KSR2: variants seen among roughly 807,000 people sequenced by gnomAD.
The protein encoded by KSR2 is kinase suppressor of ras 2.
KSR2 carries 25 observed loss-of-function variants against 107.8 expected under a neutral mutation model. The ratio of observed to expected loss-of-function variants is 0.23; its 90% confidence interval spans 0.17 to 0.32. The LOEUF (loss-of-function observed/expected upper bound fraction) is 0.32. Ranked by LOEUF, KSR2 falls within the 10% of genes least tolerant of loss-of-function variation. KSR2 has a pLI of 1.00. For synonymous variants in KSR2, 480 were observed against 507.0 expected (o/e 0.95, Z 0.71); for missense variants, 887 against 1,268.9 (o/e 0.70, Z 4.57).
Position 117,489,612 on chromosome 12 carries a change from G to A in KSR2, c.2220-3921C>T, listed in dbSNP as rs185052301. Among the ~76,000 whole-genome samples, 70 of 151,990 alleles carry A rather than the reference G, an allele frequency of 4.6e-4. 1 individual carries two copies. The East Asian group carries it at 0.012, about 25-fold the overall frequency. ...ACAATTAATATAATTAATGTATGGCGTTGAAATCTGTAAAAAATGTAAAGC... is the reference window on the plus strand; with the variant it reads ...ACAATTAATATAATTAATGTATGGCATTGAAATCTGTAAAAAATGTAAAGC... On this transcript the variant is annotated intron_variant, in intron 14 of 19. Transcript: ENST00000339824.
intron 1 of KSR2, among the ~76,000 whole-genome samples, chr12:117,878,759 A>T (rs1347008610): frequency 6.6e-6 from 1 of 152,238 alleles, no homozygotes; most frequent in Non-Finnish European, 1.5e-5. Context: ...TCCTGAAAGC[A>T]GGTCTCACTG....
At position 117,947,209 on chromosome 12, in the gene KSR2, G is replaced by GAA. The variant is rs796600006; in HGVS notation, c.180+20865_180+20866dup. On this transcript the variant is annotated intron_variant, in intron 1 of 19. Coordinates refer to ENST00000339824, the MANE Select transcript of KSR2 (RefSeq NM_173598.6). ...AAGAAAAGAAAGAAAAGAAAGAAAA[G>GAA]AAAGAAAGAAAGAAAGAAAGAAAGA... 3.9e-5 allele frequency among the ~76,000 whole-genome samples: 3 copies of GAA among 77,876 alleles called. No individual in the cohort carries two copies. In the East Asian group the frequency reaches 1.1e-3, roughly 28 times the overall value. The allele number at this position is 77,876 out of a possible 152,430, so 51.1% of individuals were successfully genotyped here.
At chr12:117,775,952 G>A (rs1369894585) in intron 3 of KSR2, among the ~76,000 whole-genome samples, 3 of 152,072 alleles carry the variant, frequency 2.0e-5, no homozygotes, top group Non-Finnish European at 4.4e-5. Context: ...AGTGGGGAGT[G>A]GGGAAGGGAT....
chr12:117,478,089 G>C (rs1871904604), intron 16 of KSR2, among the ~76,000 whole-genome samples: 1 of 152,112 alleles, frequency 6.6e-6, no homozygotes, highest in Non-Finnish European at 1.5e-5. Context: ...GGGAGAGGGG[G>C]TGCATATCTC....
chr12:117,947,408 C>T (rs1247887781), intron 1 of KSR2, among the ~76,000 whole-genome samples: 1 of 151,786 alleles, frequency 6.6e-6, no homozygotes, highest in Non-Finnish European at 1.5e-5. Context: ...AATAAACAAA[C>T]AAAAAACAAA....
chr12:117,717,701 G>GCA (rs1276317688), intron 4 of KSR2, among the ~76,000 whole-genome samples: 24 of 126,414 alleles, frequency 1.9e-4, no homozygotes, highest in African/African-American at 6.5e-4. Flanking sequence ...GTGTGTGTGT[G>GCA]TGTGTGTGTG....
chr12:117,711,761 C>T (rs1215933370), intron 4 of KSR2, among the ~76,000 whole-genome samples: 1 of 152,154 alleles, frequency 6.6e-6, no homozygotes, highest in African/African-American at 2.4e-5. Context: ...TCAACATCAC[C>T]TTAAGCTCTT....
intron 5 of KSR2, among the ~76,000 whole-genome samples, chr12:117,635,794 C>CTTT (rs780731850): frequency 3.1e-4 from 43 of 140,688 alleles, no homozygotes; most frequent in African/African-American, 5.5e-4. Context: ...TGGTATGTTA[C>CTTT]TTTTTTTTTT....
chr12:117,716,522 T>C (rs1483794675), intron 4 of KSR2, among the ~76,000 whole-genome samples: 1 of 152,256 alleles, frequency 6.6e-6, no homozygotes, highest in African/African-American at 2.4e-5. Context: ...ATTGAAATAA[T>C]ATTTTGGATC....
intron 1 of KSR2, among the ~76,000 whole-genome samples, chr12:117,918,743 G>A (rs998092099): frequency 8.0e-5 from 12 of 149,654 alleles, no homozygotes; most frequent in Admixed American, 4.0e-4. Context: ...AGCCAAGATC[G>A]CGCCACTGCA....
At chr12:117,730,156 A>C (rs1423900711) in intron 4 of KSR2, among the ~76,000 whole-genome samples, 1 of 152,140 alleles carries the variant, frequency 6.6e-6, no homozygotes, top group Non-Finnish European at 1.5e-5. Context: ...TTATTTACAA[A>C]AACAGGTGGT....
chr12:117,937,771 C>T (rs1358169397), intron 1 of KSR2, among the ~76,000 whole-genome samples: 28 of 143,182 alleles, frequency 2.0e-4, no homozygotes, highest in African/African-American at 7.0e-4. Flanking sequence ...CCAGCCTGGG[C>T]AACATGGAGA....
intron 3 of KSR2, 77 bp from the exon 4 acceptor site, chr12:117,761,601 C>T (rs1456174073): frequency 3.0e-6 from 4 of 1,353,430 alleles, no homozygotes; most frequent in Non-Finnish European, 4.2e-6. Flanking sequence ...CACACCATTA[C>T]ATCATACACA....
chr12:117,767,155 T>C (rs1274779251), intron 3 of KSR2, among the ~76,000 whole-genome samples: 3 of 151,158 alleles, frequency 2.0e-5, no homozygotes, highest in Non-Finnish European at 2.9e-5. Flanking sequence ...GGCTCACGCC[T>C]GTAATCCCAG....
At chr12:117,936,935 A>G (rs537755721) in intron 1 of KSR2, among the ~76,000 whole-genome samples, 1 of 152,304 alleles carries the variant, frequency 6.6e-6, no homozygotes, top group Non-Finnish European at 1.5e-5. Flanking sequence ...GGGAGACTAG[A>G]CAAACATGAG....
rs546914658 is a variant in KSR2, at chr12:117,534,366, G to C, written c.1688-2659C>G. ...GTTTATGGCACTTGGGCCCCTTCTTGTGGCTGGGCCTTTGCCTTACTTCCC... is the reference window on the plus strand; with the variant it reads ...GTTTATGGCACTTGGGCCCCTTCTTCTGGCTGGGCCTTTGCCTTACTTCCC... On this transcript the variant is annotated intron_variant, in intron 10 of 19. Transcript: ENST00000339824. 2.0e-5 allele frequency among the ~76,000 whole-genome samples: 3 copies of C among 152,174 alleles called. No homozygotes were observed. The South Asian group carries it at 6.2e-4, about 32-fold the overall frequency.
Position 117,463,736 on chromosome 12 carries a change from T to C in KSR2, c.*3463A>G, listed in dbSNP as rs1871017194. 2 of 152,476 alleles carry C rather than the reference T, an allele frequency of 1.3e-5. No individual in the cohort carries two copies. The highest frequency in any genetic ancestry group is 6.8e-3 in the Middle Eastern group (2 of 294). 9.4% of individuals were successfully genotyped at this position (152,476 alleles called of 1,614,324 possible). A position where few individuals can be genotyped will look rare whatever the true frequency, so the allele number is the denominator to read the frequency against. On this transcript the variant is annotated 3_prime_UTR_variant, in exon 20 of 20. Transcript: ENST00000339824. ...TGATTGGCCTGAGCTCCGTGTCTAC[T>C]ACTTCCTCCGTGTACCTTTGATGAT... is the stretch of plus-strand genomic sequence containing the variant.
chr12:117,728,413 G>A (rs563032654), intron 4 of KSR2, among the ~76,000 whole-genome samples: 6 of 152,264 alleles, frequency 3.9e-5, no homozygotes, highest in South Asian at 2.1e-4. Context: ...ATTCTTCACC[G>A]GAGTCCAAGT....
chr12:117,912,543 A>G (rs372847618), intron 1 of KSR2, among the ~76,000 whole-genome samples: 1 of 152,242 alleles, frequency 6.6e-6, no homozygotes. Flanking sequence ...AGTTTTGAAA[A>G]TGAAGAAAAA....
Sources: gnomAD v4.1 joint callset for allele counts (sites outside exome capture counted in the v4.1 genomes callset) on GRCh38, gnomAD v4.1.1 for gene constraint, MANE v1.5 for transcripts, NCBI Gene and HGNC (gene_info 2026-07-23, HGNC 2026-07-21) for gene names.